Variants in PDZD2 observed in about 807,000 individuals in gnomAD.
PDZD2 encodes the protein PDZ domain containing 2.
In PDZD2, 90 loss-of-function variants were observed where a neutral mutation model predicts 220.7. That is an observed-to-expected ratio of 0.41 (90% confidence interval 0.34 to 0.49). The LOEUF (loss-of-function observed/expected upper bound fraction) is 0.49. Among genes scored for constraint, PDZD2 ranks in the 20% least tolerant of loss-of-function variants. PDZD2 has a pLI of 0.28. For synonymous variants in PDZD2, 1,375 were observed against 1,450.5 expected (o/e 0.95, Z 1.18); for missense variants, 3,174 against 3,608.5 (o/e 0.88, Z 3.08).
chr5:31,908,015 G>C (rs1426858634), intron 2 of PDZD2, among the ~76,000 whole-genome samples: 1 of 149,096 alleles, frequency 6.7e-6, no homozygotes, highest in African/African-American at 2.5e-5. Flanking sequence ...CCCGGGAGGC[G>C]GAGGCTTCAG....
At chr5:31,694,744 C>CTTT (rs34596550) in intron 1 of PDZD2, among the ~76,000 whole-genome samples, 227 of 143,802 alleles carry the variant, frequency 1.6e-3, no homozygotes, top group Admixed American at 6.4e-3. Flanking sequence ...CAATAAATGC[C>CTTT]TTTTTTTTTT....
chr5:31,923,059 G>A (rs938360319), intron 2 of PDZD2, among the ~76,000 whole-genome samples: 2 of 150,436 alleles, frequency 1.3e-5, no homozygotes, highest in East Asian at 2.1e-4. Flanking sequence ...TTGGGAGGCC[G>A]AGGCAGGTGG....
chr5:32,088,689 C>A lies in PDZD2; in HGVS notation c.5241C>A (p.Tyr1747Ter). The A allele has an allele frequency of 1.9e-6, 3 of 1,613,862 alleles. No homozygotes were observed. The highest frequency in any genetic ancestry group is 8.5e-7 in the Non-Finnish European group (1 of 1,179,820). Residue 1747 changes from tyrosine to a stop codon, truncating the protein, a stop_gained, in exon 20 of 25, where the codon TAC (tyrosine) becomes TAA (stop). Transcript: ENST00000438447. LOFTEE classifies it high-confidence loss of function. This position sits in a 1 kb window ranked among gnomAD's most constrained non-coding sequence, Gnocchi z 4.6. ...DLLDDETLNQYETSINAAASL... is the reference protein window; with the variant it reads ...DLLDDETLNQ The stretch of plus-strand genomic sequence containing the variant: ...TAGATGACGAAACCCTGAATCAATA[C>A]GAAACAAGCATTAATGCAGCTGCCA...
intron 3 of PDZD2, among the ~76,000 whole-genome samples, chr5:31,984,662 G>A (rs1226111767): frequency 1.3e-5 from 2 of 152,118 alleles, no homozygotes; most frequent in African/African-American, 4.8e-5. Context: ...TCAGGAGTGT[G>A]AGACCAACCT....
In PDZD2 at chr5:32,072,224, T is replaced by A; in HGVS notation, c.2632T>A (p.Ser878Thr). Reference protein sequence around the residue: ...YFAHDVPGPLSDFMVAGSEDE... With the variant: ...YFAHDVPGPLTDFMVAGSEDE... ...TGCCCACGATGTCCCTGGCCCCTTG[T>A]CAGACTTCATGGTGGCCGGTTCTGA... Residue 878 changes from serine to threonine, a missense_variant, in exon 17 of 25, where the codon TCA becomes ACA. Ser to Thr is a moderately conservative substitution (Grantham distance 58). Transcript: ENST00000438447. 2.5e-6 allele frequency: 4 copies of A among 1,613,784 alleles called. No individual in the cohort carries two copies. Among genetic ancestry groups the A allele is most frequent in the Middle Eastern group, 1.7e-4 (1 of 6,060 alleles).
intron 2 of PDZD2, among the ~76,000 whole-genome samples, chr5:31,815,245 CAAAAA>C (rs59040987): frequency 3.5e-5 from 2 of 57,914 alleles, no homozygotes; most frequent in Admixed American, 2.4e-4. Flanking sequence ...AACTCTGTCT[CAAAAA>C]AAAAAAAAAA....
chr5:31,683,223 AAAG>A (rs1580559959), intron 1 of PDZD2, among the ~76,000 whole-genome samples: 1 of 130,364 alleles, frequency 7.7e-6, no homozygotes, highest in African/African-American at 3.2e-5. Context: ...AAAAAAAAAA[AAAG>A]AAAGAAAGAA....
intron 24 of PDZD2, among the ~76,000 whole-genome samples, chr5:32,106,670 C>T (rs1420287808): frequency 6.6e-6 from 1 of 152,188 alleles, no homozygotes; most frequent in Non-Finnish European, 1.5e-5. Context: ...CCTCCCATGT[C>T]CTGAAGCCCA....
At chr5:31,755,557 A>G (rs1192453806) in intron 1 of PDZD2, among the ~76,000 whole-genome samples, 3 of 151,262 alleles carry the variant, frequency 2.0e-5, no homozygotes, top group Non-Finnish European at 2.9e-5. Flanking sequence ...AACTCCACGC[A>G]TCAGTAAACG....
intron 1 of PDZD2, among the ~76,000 whole-genome samples, chr5:31,722,058 AG>A (rs1405310908): frequency 6.6e-6 from 1 of 152,066 alleles, no homozygotes; most frequent in African/African-American, 2.4e-5. Flanking sequence ...TCTTCTCCCC[AG>A]GTGCACTGCT....
chr5:32,019,139 CTTTT>C (rs3037908), intron 6 of PDZD2, among the ~76,000 whole-genome samples: 2 of 106,178 alleles, frequency 1.9e-5, no homozygotes. Flanking sequence ...CATAGAAAAG[CTTTT>C]TTTTTTTTTT....
At chr5:31,944,864 C>T (rs539746465) in intron 2 of PDZD2, among the ~76,000 whole-genome samples, 210 of 152,330 alleles carry the variant, frequency 1.4e-3, no homozygotes, top group Non-Finnish European at 2.2e-3. Context: ...TGAGCTGAGC[C>T]GTGCGCAGCA....
chr5:32,036,149 C>T (rs1313115517), intron 6 of PDZD2, among the ~76,000 whole-genome samples: 3 of 152,012 alleles, frequency 2.0e-5, no homozygotes, highest in South Asian at 2.1e-4. Flanking sequence ...TTAGTAGAGA[C>T]GGGGTTTCAC....
At chr5:31,833,777 G>A (rs1032274100) in intron 2 of PDZD2, among the ~76,000 whole-genome samples, 1 of 152,230 alleles carries the variant, frequency 6.6e-6, no homozygotes, top group African/African-American at 2.4e-5. Context: ...TATCCTGAAG[G>A]CTGAGACAAT....
At chr5:31,902,406 T>G (rs1007919946) in intron 2 of PDZD2, among the ~76,000 whole-genome samples, 1 of 152,154 alleles carries the variant, frequency 6.6e-6, no homozygotes, top group African/African-American at 2.4e-5. Context: ...AAACATCTAT[T>G]CAGATCTTTA....
intron 5 of PDZD2, among the ~76,000 whole-genome samples, chr5:32,002,866 C>T (rs1752329235): frequency 8.0e-6 from 1 of 125,050 alleles, no homozygotes; most frequent in African/African-American, 3.0e-5. Context: ...ACACACACCC[C>T]ACATACCACA....
rs1236378901 is a variant in PDZD2, at chr5:31,983,662, G to A, written c.978+6G>A. On this transcript the variant is annotated splice_donor_region_variant and intron_variant, in intron 3 of 24. Transcript: ENST00000438447. Reference sequence around the variant, plus strand: ...CGAGTGACTGCCTGGCACGGGTAAGGTTTGGTTTGATTATGGAACCAGAAT... The same window carrying A: ...CGAGTGACTGCCTGGCACGGGTAAGATTTGGTTTGATTATGGAACCAGAAT... 1 of 1,606,884 alleles carries A rather than the reference G, an allele frequency of 6.2e-7. No individual in the cohort carries two copies. Among genetic ancestry groups the A allele is most frequent in the African/African-American group, 1.3e-5 (1 of 74,644 alleles).
chr5:31,986,935 T>A (rs1385843988), intron 3 of PDZD2, among the ~76,000 whole-genome samples: 2 of 152,166 alleles, frequency 1.3e-5, no homozygotes, highest in Non-Finnish European at 2.9e-5. Flanking sequence ...TTTAAACAAA[T>A]TTTTCTTTTT....
chr5:31,920,139 C>G (rs1323015169), intron 2 of PDZD2, among the ~76,000 whole-genome samples: 1 of 151,618 alleles, frequency 6.6e-6, no homozygotes, highest in Non-Finnish European at 1.5e-5. Flanking sequence ...CAAAAGTTAG[C>G]CAGGCATAGT....
Sources: allele counts gnomAD v4.1 joint callset (sites outside exome capture counted in the v4.1 genomes callset), GRCh38; gene constraint gnomAD v4.1.1; non-coding constraint Gnocchi (gnomAD v3.1); transcripts MANE v1.5; gene names NCBI Gene and HGNC (gene_info 2026-07-23, HGNC 2026-07-21).